Variants in APBB2 observed in about 807,000 individuals in gnomAD.
APBB2 encodes the protein amyloid beta precursor protein binding family B member 2.
In APBB2, 38 loss-of-function variants were observed where a neutral mutation model predicts 82.5. That is an observed-to-expected ratio of 0.46 (90% confidence interval 0.36 to 0.60). The LOEUF (loss-of-function observed/expected upper bound fraction) is 0.60. Ranked by LOEUF, APBB2 falls within the 20% of genes least tolerant of loss-of-function variation. The probability of loss-of-function intolerance (pLI) is 0.00; values close to 1 mark genes in which losing one functional copy is unlikely to be tolerated. For missense variants in APBB2, 772 were observed against 972.3 expected, an observed-to-expected ratio of 0.79 and a Z score of 2.74; for synonymous variants, 341 against 368.2, an observed-to-expected ratio of 0.93 and a Z score of 0.85.
intron 3 of APBB2, among the ~76,000 whole-genome samples, chr4:41,070,637 A>G (rs919235909): frequency 6.6e-6 from 1 of 152,190 alleles, no homozygotes; most frequent in East Asian, 1.9e-4. Context: ...GCACAAGGTA[A>G]TATTTGTCTA....
intron 1 of APBB2, among the ~76,000 whole-genome samples, chr4:41,213,480 G>T (rs1779831988): frequency 6.6e-6 from 1 of 152,142 alleles, no homozygotes; most frequent in Non-Finnish European, 1.5e-5. Context: ...AGAACGGTCG[G>T]TGACAACTCC....
chr4:40,908,906 A>C (rs1446463107), intron 10 of APBB2, among the ~76,000 whole-genome samples: 1 of 152,218 alleles, frequency 6.6e-6, no homozygotes, highest in Non-Finnish European at 1.5e-5. Context: ...ACTGGAGGCA[A>C]GGAGGCCTAT....
intron 4 of APBB2, among the ~76,000 whole-genome samples, chr4:41,060,889 C>T (rs143039802): frequency 1.7e-4 from 26 of 152,298 alleles, no homozygotes; most frequent in African/African-American, 6.3e-4. Flanking sequence ...CTATAAATGT[C>T]TACTGAATAG....
chr4:41,001,885 A>AAAAAAG (rs1553903802), intron 6 of APBB2, among the ~76,000 whole-genome samples: 4 of 151,962 alleles, frequency 2.6e-5, no homozygotes, highest in Non-Finnish European at 4.4e-5. Flanking sequence ...CTCAAAAAAA[A>AAAAAAG]AAAAAGAAAA....
At chr4:41,165,185 T>G (rs1017889500) in intron 1 of APBB2, among the ~76,000 whole-genome samples, 1 of 148,506 alleles carries the variant, frequency 6.7e-6, no homozygotes, top group Admixed American at 6.6e-5. Context: ...AGGTGTGCCA[T>G]TGTAGCGGTG....
chr4:40,989,927 C>A (rs1329218690), intron 6 of APBB2, among the ~76,000 whole-genome samples: 1 of 152,136 alleles, frequency 6.6e-6, no homozygotes, highest in Non-Finnish European at 1.5e-5. Context: ...GTCTGCTCAA[C>A]TGGGAAAGAA....
At chr4:40,951,427 G>A (rs1790125148) in intron 6 of APBB2, among the ~76,000 whole-genome samples, 1 of 152,242 alleles carries the variant, frequency 6.6e-6, no homozygotes, top group South Asian at 2.1e-4. Context: ...CAAAAAGAAT[G>A]GATTCATTCA....
At chr4:41,133,984 T>C (rs1306912423) in intron 2 of APBB2, among the ~76,000 whole-genome samples, 2 of 151,810 alleles carry the variant, frequency 1.3e-5, no homozygotes. Flanking sequence ...CCTTTTTTCT[T>C]TTTTTTTAGA....
At chr4:40,917,390 G>C (rs1275241156) in intron 10 of APBB2, among the ~76,000 whole-genome samples, 4 of 152,122 alleles carry the variant, frequency 2.6e-5, no homozygotes, top group Non-Finnish European at 1.5e-5. Flanking sequence ...AGAGACGGGT[G>C]AACAGTGGGG....
At chr4:40,891,038 A>G (rs1189850794) in intron 11 of APBB2, 1 of 152,558 alleles carries the variant, frequency 6.6e-6, no homozygotes, top group Non-Finnish European at 1.5e-5. Context: ...AAATGACAAC[A>G]TTAGGCTACG....
intron 6 of APBB2, among the ~76,000 whole-genome samples, chr4:40,987,511 AT>A (rs932317882): frequency 1.3e-5 from 2 of 151,324 alleles, no homozygotes; most frequent in Admixed American, 6.6e-5. Flanking sequence ...TTCATATTTC[AT>A]TTTTTTTTAG....
In APBB2 at chr4:40,832,306, C is replaced by T. The variant is rs527328591; in HGVS notation, c.1530-1729G>A. Among the ~76,000 whole-genome samples the T allele has an allele frequency of 3.3e-4, 51 of 152,326 alleles. No individual in the cohort carries two copies. Among genetic ancestry groups the T allele is most frequent in the Admixed American group, 1.8e-3 (28 of 15,310 alleles). ...TGAAGGTCTGGCCGGAAAACCCTGC[C>T]TCGCAACCTCACCTCGCCATGCCCC... On this transcript the variant is annotated intron_variant, in intron 12 of 17. Transcript: ENST00000508593. This position sits in a 1 kb window ranked among gnomAD's most constrained non-coding sequence, Gnocchi z 4.8.
At chr4:41,061,125 G>C (rs1729678018) in intron 4 of APBB2, among the ~76,000 whole-genome samples, 1 of 152,214 alleles carries the variant, frequency 6.6e-6, no homozygotes, top group South Asian at 2.1e-4. Flanking sequence ...GAGACTGCAG[G>C]CCAAGGTCTG....
At chr4:41,126,018 G>A (rs980423095) in intron 2 of APBB2, among the ~76,000 whole-genome samples, 1 of 152,086 alleles carries the variant, frequency 6.6e-6, no homozygotes, top group South Asian at 2.1e-4. Flanking sequence ...CCTCAGCTTC[G>A]TTTCACACCT....
At chr4:40,982,179 C>A in intron 6 of APBB2, among the ~76,000 whole-genome samples, 1 of 124,796 alleles carries the variant, frequency 8.0e-6, no homozygotes. Flanking sequence ...GAGTGAAACT[C>A]TGTCTCAAAA....
intron 6 of APBB2, among the ~76,000 whole-genome samples, chr4:40,949,855 T>C (rs1789586539): frequency 6.6e-6 from 1 of 152,192 alleles, no homozygotes; most frequent in African/African-American, 2.4e-5. Context: ...GAAATCACAA[T>C]GTGGTATTCT....
chr4:41,115,825 G>T (rs552303163), intron 2 of APBB2, among the ~76,000 whole-genome samples: 3 of 152,320 alleles, frequency 2.0e-5, no homozygotes, highest in Non-Finnish European at 4.4e-5. Context: ...ACAGATACTA[G>T]AGAGGATGTG....
intron 1 of APBB2, among the ~76,000 whole-genome samples, chr4:41,188,489 A>G (rs767137391): frequency 4.6e-5 from 7 of 152,184 alleles, no homozygotes; most frequent in Non-Finnish European, 8.8e-5. Flanking sequence ...CCCTTATAAA[A>G]GATCCTCTAC....
Position 40,893,400 on chromosome 4 carries a change from C to T in APBB2, c.1266G>A (p.Val422=). 6.2e-7 allele frequency: 1 copy of T among 1,610,522 alleles called. No homozygotes were observed. Among genetic ancestry groups the T allele is most frequent in the South Asian group, 1.1e-5 (1 of 90,384 alleles). Residue 422 remains valine, a synonymous_variant, in exon 11 of 18, where the codon GTG becomes GTA. Coordinates refer to ENST00000508593, the MANE Select transcript of APBB2 (RefSeq NM_004307.2). The stretch of plus-strand genomic sequence containing the variant: ...CCATCTCTACCCATCCCAGAGAACG[C>T]ACAGCAAAACACTGGAAGACAGTGA... ...NSDPEAKCFA[V]RSLGWVEMAE...
Sources: gnomAD v4.1 joint callset for allele counts (sites outside exome capture counted in the v4.1 genomes callset) on GRCh38, gnomAD v4.1.1 for gene constraint, Gnocchi (gnomAD v3.1) non-coding constraint, MANE v1.5 for transcripts, NCBI Gene and HGNC (gene_info 2026-07-23, HGNC 2026-07-21) for gene names.